SLC39A11: variants seen among roughly 807,000 people sequenced by gnomAD.
SLC39A11 encodes zinc transporter ZIP11.
Under a neutral mutation model 36.1 loss-of-function variants are expected in SLC39A11, and 33 were observed. The ratio of observed to expected loss-of-function variants is 0.91; its 90% confidence interval spans 0.69 to 1.22. The LOEUF is 1.22. Among genes scored for constraint, SLC39A11 ranks in the 50% most tolerant of loss-of-function variants. SLC39A11 has a pLI of 0.00. For synonymous variants in SLC39A11, 166 were observed against 170.3 expected (o/e 0.97, Z 0.20); for missense variants, 432 against 430.3 (o/e 1.00, Z -0.03).
intron 3 of SLC39A11, among the ~76,000 whole-genome samples, chr17:73,069,900 T>C (rs1210420401): frequency 6.6e-6 from 1 of 152,152 alleles, no homozygotes; most frequent in Non-Finnish European, 1.5e-5. Context: ...AAACACTCAA[T>C]TAGGTTACAA....
At chr17:72,736,494 G>A (rs1020707288) in intron 7 of SLC39A11, among the ~76,000 whole-genome samples, 156 bp downstream of exon 7, 5 of 152,170 alleles carry the variant, frequency 3.3e-5, no homozygotes, top group Admixed American at 1.3e-4. Flanking sequence ...TCTCAGGGAT[G>A]GCCTTCACCG....
intron 4 of SLC39A11, among the ~76,000 whole-genome samples, chr17:73,007,934 C>T (rs2090275438): frequency 6.6e-6 from 1 of 152,050 alleles, no homozygotes; most frequent in Non-Finnish European, 1.5e-5. Flanking sequence ...GAAACCCCAT[C>T]TCAACCATAA....
intron 6 of SLC39A11, among the ~76,000 whole-genome samples, chr17:72,761,080 G>A (rs2075557957): frequency 6.6e-6 from 1 of 152,138 alleles, no homozygotes; most frequent in Non-Finnish European, 1.5e-5. Flanking sequence ...GCAAAATAAA[G>A]CATGTTCATC....
intron 4 of SLC39A11, among the ~76,000 whole-genome samples, chr17:72,982,931 T>C (rs62070914): frequency 0.52 from 78,872 of 151,758 alleles, 21,430 homozygotes; most frequent in Middle Eastern, 0.7. Flanking sequence ...AAACACAGAG[T>C]GTCTATTATC....
intron 6 of SLC39A11, among the ~76,000 whole-genome samples, chr17:72,772,730 T>C (rs1319221781): frequency 2.0e-5 from 3 of 151,582 alleles, no homozygotes; most frequent in African/African-American, 7.3e-5. Flanking sequence ...AATAAAGAAA[T>C]GAATGAGTGA....
chr17:72,669,381 C>T (rs2070894450), intron 7 of SLC39A11, among the ~76,000 whole-genome samples: 1 of 152,140 alleles, frequency 6.6e-6, no homozygotes, highest in Non-Finnish European at 1.5e-5. Flanking sequence ...CTTTGCCTCC[C>T]CTACTTTGCA....
In SLC39A11 at chr17:72,675,732, G is replaced by A. The variant is rs146510853; in HGVS notation, c.672-26464C>T. ...GTGTTTCACTCTTGTTGCCCAGGCT[G>A]GAGTGCAATGGCGCAATCTCGGCTC... On this transcript the variant is annotated intron_variant, in intron 7 of 9. Coordinates refer to ENST00000255559, the MANE Select transcript of SLC39A11 (RefSeq NM_139177.4). Among the ~76,000 whole-genome samples, 1,426 of 152,300 alleles carry A rather than the reference G, an allele frequency of 9.4e-3. 12 individuals carry two copies. The highest frequency in any genetic ancestry group is 0.014 in the Non-Finnish European group (946 of 68,024).
intron 5 of SLC39A11, among the ~76,000 whole-genome samples, chr17:72,881,650 A>G (rs2081200166): frequency 6.6e-6 from 1 of 152,178 alleles, no homozygotes; most frequent in Non-Finnish European, 1.5e-5. Flanking sequence ...TAGAGCTGGC[A>G]TCCCATGGAA....
At chr17:72,880,010 A>G (rs2081113319) in intron 5 of SLC39A11, among the ~76,000 whole-genome samples, 1 of 152,182 alleles carries the variant, frequency 6.6e-6, no homozygotes, top group African/African-American at 2.4e-5. Flanking sequence ...CCTCTTGAGG[A>G]GGCTAATTTG....
At chr17:72,992,273 G>A (rs950485671) in intron 4 of SLC39A11, among the ~76,000 whole-genome samples, 2 of 152,132 alleles carry the variant, frequency 1.3e-5, no homozygotes, top group Admixed American at 1.3e-4. Context: ...AGAATTGCTT[G>A]AACCCAGGAG....
At chr17:72,829,185 C>T (rs189655012) in intron 6 of SLC39A11, among the ~76,000 whole-genome samples, 61 of 152,108 alleles carry the variant, frequency 4.0e-4, no homozygotes, top group Admixed American at 1.7e-3. Flanking sequence ...AACCCTGTCT[C>T]CACACAACAA....
chr17:72,841,305 T>A (rs975764883), intron 6 of SLC39A11, among the ~76,000 whole-genome samples: 1 of 152,220 alleles, frequency 6.6e-6, no homozygotes, highest in Non-Finnish European at 1.5e-5. Flanking sequence ...ATTGCATCCA[T>A]CAAGAGTTGA....
At chr17:73,006,380 A>C (rs543767461) in intron 4 of SLC39A11, among the ~76,000 whole-genome samples, 12 of 152,282 alleles carry the variant, frequency 7.9e-5, no homozygotes, top group African/African-American at 2.9e-4. Flanking sequence ...TTGTGGGCCA[A>C]ATCCAGCCAG....
intron 5 of SLC39A11, among the ~76,000 whole-genome samples, chr17:72,855,667 T>C (rs887792442): frequency 1.3e-5 from 2 of 151,806 alleles, no homozygotes; most frequent in Admixed American, 6.6e-5. Flanking sequence ...GAGGCCGAGG[T>C]GGGCAGATCA....
intron 6 of SLC39A11, among the ~76,000 whole-genome samples, chr17:72,742,129 G>T (rs997842887): frequency 6.6e-6 from 1 of 152,086 alleles, no homozygotes; most frequent in Non-Finnish European, 1.5e-5. Context: ...CTTGAACCCG[G>T]GAGGCAGAGG....
chr17:72,872,473 G>A (rs554590601), intron 5 of SLC39A11, among the ~76,000 whole-genome samples: 56 of 152,320 alleles, frequency 3.7e-4, no homozygotes, highest in African/African-American at 1.3e-3. Flanking sequence ...ATGTAACAAC[G>A]TGGGGGCAGT....
intron 7 of SLC39A11, among the ~76,000 whole-genome samples, chr17:72,727,852 G>A (rs1460370642): frequency 1.3e-5 from 2 of 152,080 alleles, no homozygotes; most frequent in African/African-American, 4.8e-5. Flanking sequence ...AGGAAGTAAC[G>A]GCATCTGTAC....
At chr17:72,680,041 C>CAAAAAAAAA (rs199650969) in intron 7 of SLC39A11, among the ~76,000 whole-genome samples, 1 of 71,696 alleles carries the variant, frequency 1.4e-5, no homozygotes, top group Non-Finnish European at 2.5e-5. Flanking sequence ...GACTCTGTCT[C>CAAAAAAAAA]AAAAAAAAAA....
chr17:72,799,778 C>T (rs897222801), intron 6 of SLC39A11, among the ~76,000 whole-genome samples: 8 of 151,192 alleles, frequency 5.3e-5, no homozygotes, highest in African/African-American at 1.5e-4. Context: ...ATATGTGCAC[C>T]GCTGAACACA....
Sources: gnomAD v4.1 joint callset for allele counts (sites outside exome capture counted in the v4.1 genomes callset) on GRCh38, gnomAD v4.1.1 for gene constraint, MANE v1.5 for transcripts, NCBI Gene and HGNC (gene_info 2026-07-23, HGNC 2026-07-21) for gene names.